Variants in FSTL4 observed in about 807,000 individuals in gnomAD.
The protein encoded by FSTL4 is follistatin-related protein 4.
In FSTL4, 28 loss-of-function variants were observed where a neutral mutation model predicts 78.2. That is an observed-to-expected ratio of 0.36 (90% CI 0.27 to 0.49). The LOEUF (loss-of-function observed/expected upper bound fraction) is 0.49, where lower values mean the gene tolerates loss of function less well. Ranked by LOEUF, FSTL4 falls within the 20% of genes least tolerant of loss-of-function variation. The pLI is 0.98. For missense variants in FSTL4, 922 were observed against 1,084.9 expected, an observed-to-expected ratio of 0.85 and a Z score of 2.11; for synonymous variants, 422 against 440.5, an observed-to-expected ratio of 0.96 and a Z score of 0.53.
intron 3 of FSTL4, among the ~76,000 whole-genome samples, chr5:133,498,294 A>C (rs987834562): frequency 2.0e-5 from 3 of 152,224 alleles, no homozygotes; most frequent in African/African-American, 4.8e-5. Context: ...CCTCTCCCCA[A>C]GACTCATTAT....
At chr5:133,807,621 A>G in the FSTL4 span, among the ~76,000 whole-genome samples, 2 of 152,218 alleles carry the variant, frequency 1.3e-5, no homozygotes, top group Admixed American at 6.5e-5. Flanking sequence ...TGTAACCAGC[A>G]AAGAGCTGTA....
At chr5:133,437,090 A>G (rs919084966) in intron 3 of FSTL4, among the ~76,000 whole-genome samples, 1 of 152,230 alleles carries the variant, frequency 6.6e-6, no homozygotes, top group Non-Finnish European at 1.5e-5. Context: ...GGTACCAATT[A>G]CTGAGATAGA....
the FSTL4 span, among the ~76,000 whole-genome samples, chr5:133,652,087 A>C: frequency 6.6e-6 from 1 of 151,946 alleles, no homozygotes; most frequent in African/African-American, 2.4e-5. Flanking sequence ...TGTCCATGGG[A>C]TCTATAGTAA....
chr5:133,808,388 G>C, the FSTL4 span, among the ~76,000 whole-genome samples: 1 of 152,136 alleles, frequency 6.6e-6, no homozygotes, highest in Admixed American at 6.5e-5. Flanking sequence ...GGCACATCTG[G>C]TGATGCTCAA....
At chr5:133,409,094 T>C (rs911137813) in intron 3 of FSTL4, among the ~76,000 whole-genome samples, 3 of 152,182 alleles carry the variant, frequency 2.0e-5, no homozygotes, top group African/African-American at 7.2e-5. Context: ...CCCTTGCAAT[T>C]TCCCTTGCGC....
chr5:133,819,308 C>G, the FSTL4 span, among the ~76,000 whole-genome samples: 21 of 152,156 alleles, frequency 1.4e-4, no homozygotes, highest in East Asian at 3.9e-3. Flanking sequence ...TGGGAGGAAG[C>G]CTTCCCTTCT....
intron 3 of FSTL4, among the ~76,000 whole-genome samples, chr5:133,422,150 G>A (rs1756710083): frequency 6.6e-6 from 1 of 152,152 alleles, no homozygotes; most frequent in African/African-American, 2.4e-5. Flanking sequence ...GAGAGAAGAA[G>A]GACGTGGGCA....
the FSTL4 span, among the ~76,000 whole-genome samples, chr5:133,841,141 G>C: frequency 6.6e-6 from 1 of 152,246 alleles, no homozygotes; most frequent in African/African-American, 2.4e-5. Flanking sequence ...GACTATGGAA[G>C]AAGGAGGCAA....
intron 4 of FSTL4, among the ~76,000 whole-genome samples, chr5:133,368,043 A>G (rs1755214649): frequency 6.6e-6 from 1 of 152,266 alleles, no homozygotes; most frequent in Non-Finnish European, 1.5e-5. Flanking sequence ...CCCTTGTCCA[A>G]GGGGAGTTCT....
chr5:133,214,074 G>A (rs550105829), intron 13 of FSTL4, among the ~76,000 whole-genome samples: 3 of 152,274 alleles, frequency 2.0e-5, no homozygotes, highest in East Asian at 1.9e-4. Context: ...AGAACTTTGC[G>A]AAATATAGTG....
chr5:133,307,939 C>A (rs1323899121), intron 6 of FSTL4, among the ~76,000 whole-genome samples: 1 of 152,170 alleles, frequency 6.6e-6, no homozygotes, highest in Non-Finnish European at 1.5e-5. Flanking sequence ...CACCACCAAG[C>A]CCGGCTAAGT....
chr5:133,245,122 A>G (rs1405424404), intron 7 of FSTL4, among the ~76,000 whole-genome samples: 1 of 66,894 alleles, frequency 1.5e-5, no homozygotes, highest in Non-Finnish European at 2.3e-5. Context: ...CCTACTGCCT[A>G]AAAAAAAAAA....
intron 4 of FSTL4, among the ~76,000 whole-genome samples, chr5:133,357,431 T>C (rs1754966295): frequency 2.0e-5 from 3 of 152,146 alleles, no homozygotes; most frequent in South Asian, 4.1e-4. Context: ...TAGATATTCA[T>C]ACAAACAACA....
intron 15 of FSTL4, among the ~76,000 whole-genome samples, chr5:133,201,297 G>C (rs892230075): frequency 2.6e-4 from 40 of 152,304 alleles, no homozygotes; most frequent in African/African-American, 8.7e-4. Flanking sequence ...GCTGGGCCGA[G>C]GTCTGCAGTT....
At chr5:133,392,136 G>T (rs1477531313) in intron 4 of FSTL4, among the ~76,000 whole-genome samples, 1 of 152,196 alleles carries the variant, frequency 6.6e-6, no homozygotes, top group Non-Finnish European at 1.5e-5. Flanking sequence ...CTGACCCGGG[G>T]CTCAGAGAAT....
the FSTL4 span, among the ~76,000 whole-genome samples, chr5:133,796,192 CA>C: frequency 6.6e-6 from 1 of 152,230 alleles, no homozygotes; most frequent in East Asian, 1.9e-4. Context: ...GGACATGCGA[CA>C]GGGGTGTAGC....
chr5:133,326,113 C>T (rs1319475198), intron 4 of FSTL4, among the ~76,000 whole-genome samples: 1 of 152,198 alleles, frequency 6.6e-6, no homozygotes, highest in Non-Finnish European at 1.5e-5. Context: ...TTAGGAGCTG[C>T]CGTAACTTTG....
intron 3 of FSTL4, among the ~76,000 whole-genome samples, chr5:133,517,445 A>AAAAAAT: frequency 4.2e-5 from 1 of 23,788 alleles, no homozygotes; most frequent in Non-Finnish European, 7.8e-5. Flanking sequence ...AAAAAAAAAA[A>AAAAAAT]AAATATATAT....
At chr5:133,559,686 G>A in intron 3 of FSTL4, among the ~76,000 whole-genome samples, 1 of 152,238 alleles carries the variant, frequency 6.6e-6, no homozygotes, top group East Asian at 1.9e-4. Context: ...CGAGTGATTA[G>A]GGGTTCATTA....
Sources: allele counts gnomAD v4.1 joint callset (sites outside exome capture counted in the v4.1 genomes callset), GRCh38; gene constraint gnomAD v4.1.1; transcripts MANE v1.5; gene names NCBI Gene and HGNC (gene_info 2026-07-23, HGNC 2026-07-21).